SGCE: variants seen among roughly 807,000 people sequenced by gnomAD.
SGCE encodes sarcoglycan epsilon.
A neutral mutation model predicts 57.8 loss-of-function variants in SGCE; 26 were observed. That is an observed-to-expected ratio of 0.45 (90% CI 0.33 to 0.62). The LOEUF (loss-of-function observed/expected upper bound fraction) is 0.62, where lower values mean the gene tolerates loss of function less well. Among genes scored for constraint, SGCE ranks in the 20% least tolerant of loss-of-function variants. The pLI, the probability that SGCE is intolerant of heterozygous loss-of-function variation, is 0.02. For missense variants in SGCE, 468 were observed against 548.6 expected, an observed-to-expected ratio of 0.85 and a Z score of 1.47; for synonymous variants, 183 against 189.5, an observed-to-expected ratio of 0.97 and a Z score of 0.28.
chr7:94,619,093 GCTTT>G, intron 4 of SGCE, 137 bp from the exon 5 acceptor site: 1 of 692,588 alleles, frequency 1.4e-6, no homozygotes, highest in Non-Finnish European at 2.6e-6. Context: ...GACTTTAAAG[GCTTT>G]CTGTTTAACA....
chr7:94,605,329 T>C (rs1799949163), intron 5 of SGCE, among the ~76,000 whole-genome samples: 1 of 150,814 alleles, frequency 6.6e-6, no homozygotes, highest in Admixed American at 6.6e-5. Context: ...GAAACTCAGA[T>C]CTACATAAAG....
chr7:94,601,003 G>C (rs1799128637), intron 6 of SGCE, 146 bp from the exon 7 acceptor site: 1 of 706,318 alleles, frequency 1.4e-6, no homozygotes, highest in African/African-American at 1.8e-5. Flanking sequence ...GAATTTGCAA[G>C]TATTTATTGG....
At chr7:94,628,461 T>C (rs1239584501) in intron 2 of SGCE, 102 bp from the exon 3 acceptor site, 5 of 975,090 alleles carry the variant, frequency 5.1e-6, no homozygotes, top group Admixed American at 2.1e-5. Flanking sequence ...TTTTCTTACA[T>C]TTGTAGCCAA....
chr7:94,636,679 T>A (rs985130288), intron 1 of SGCE, among the ~76,000 whole-genome samples: 1 of 152,212 alleles, frequency 6.6e-6, no homozygotes, highest in African/African-American at 2.4e-5. Context: ...ACTTACTGGG[T>A]GCTGAGGTAG....
chr7:94,606,204 C>T (rs535842728), intron 5 of SGCE, among the ~76,000 whole-genome samples: 1 of 152,114 alleles, frequency 6.6e-6, no homozygotes, highest in African/African-American at 2.4e-5. Context: ...GATTGAAAAA[C>T]AAGATCCAAC....
rs1195810685 is a variant in SGCE, at chr7:94,618,743, T to C, written c.662+15A>G. ...AAAATCTATATTTAAGGCAATGAGA[T>C]AAAGATCTGCTTACCCCTCCTTCAG... On this transcript the variant is annotated intron_variant, in intron 5 of 10. Transcript: ENST00000648936. The C allele has an allele frequency of 1.2e-6, 2 of 1,605,406 alleles. No homozygotes were observed. Among genetic ancestry groups the C allele is most frequent in the East Asian group, 4.5e-5 (2 of 44,830 alleles).
intron 9 of SGCE, chr7:94,590,855 A>C (rs1797578473): frequency 6.6e-6 from 1 of 152,208 alleles, no homozygotes; most frequent in African/African-American, 2.4e-5. Flanking sequence ...GGCAAATATT[A>C]TGTTCCAAAT....
intron 10 of SGCE, chr7:94,588,128 G>A: frequency 8.7e-7 from 1 of 1,152,018 alleles, no homozygotes; most frequent in Non-Finnish European, 1.1e-6. Context: ...AATTTTTAGG[G>A]ACACTTGAAA....
At chr7:94,622,714 GA>G (rs1355633465) in intron 4 of SGCE, 1 of 151,766 alleles carries the variant, frequency 6.6e-6, no homozygotes, top group African/African-American at 2.4e-5. Context: ...GTAATTCTGA[GA>G]ATACTTCCTT....
intron 5 of SGCE, among the ~76,000 whole-genome samples, chr7:94,615,851 C>T (rs772916539): frequency 1.2e-4 from 18 of 152,182 alleles, no homozygotes; most frequent in Non-Finnish European, 1.5e-4. Flanking sequence ...TTCTTCCCAC[C>T]AGCTTTATCC....
At chr7:94,587,065 G>A in intron 10 of SGCE, 2 of 984,856 alleles carry the variant, frequency 2.0e-6, no homozygotes, top group Non-Finnish European at 2.4e-6. Context: ...CTTGACTCAA[G>A]CAAAATACCT....
intron 7 of SGCE, chr7:94,599,943 G>T: frequency 2.5e-6 from 1 of 406,102 alleles, no homozygotes; most frequent in Non-Finnish European, 4.4e-6. Flanking sequence ...GAAAAAAATG[G>T]AGATTAAGAA....
chr7:94,634,385 G>A (rs950357687), intron 1 of SGCE, among the ~76,000 whole-genome samples: 1 of 152,084 alleles, frequency 6.6e-6, no homozygotes, highest in Non-Finnish European at 1.5e-5. Context: ...TGGACTGTTT[G>A]GTTGCCTTGT....
chr7:94,629,797 G>C lies in SGCE; in HGVS notation c.154C>G (p.Pro52Ala). The part of the protein sequence containing the change: ...SKVHSDRNVY[P>A]SAGVLFVHVL... Reference sequence around the variant, plus strand: ...TGAACAAAGAGGACACCTGCTGATGGGTATACATTCCGATCGGAGTGTACC... The same window carrying C: ...TGAACAAAGAGGACACCTGCTGATGCGTATACATTCCGATCGGAGTGTACC... Residue 52 changes from proline (P) to alanine (A), a missense_variant, in exon 2 of 11, where the codon CCA (proline) becomes GCA (alanine). Pro to Ala is a conservative substitution (Grantham distance 27). Coordinates refer to ENST00000648936, the MANE Select transcript of SGCE (RefSeq NM_003919.3). The C allele has an allele frequency of 3.1e-6, 5 of 1,610,070 alleles. No individual in the cohort carries two copies. Among genetic ancestry groups the C allele is most frequent in the Non-Finnish European group, 4.2e-6 (5 of 1,176,882 alleles).
intron 1 of SGCE, among the ~76,000 whole-genome samples, chr7:94,639,089 G>C (rs1309142982): frequency 6.6e-6 from 1 of 152,144 alleles, no homozygotes; most frequent in African/African-American, 2.4e-5. Context: ...AAAAACATAG[G>C]AATGGTTTTT....
At chr7:94,624,345 G>A (rs973961828) in intron 3 of SGCE, 1 of 396,786 alleles carries the variant, frequency 2.5e-6, no homozygotes, top group African/African-American at 2.1e-5. Context: ...CATTACATGT[G>A]TCAAAAAATA....
chr7:94,586,118 A>AAATTCCAT (rs1796886813), intron 10 of SGCE, among the ~76,000 whole-genome samples: 1 of 150,874 alleles, frequency 6.6e-6, no homozygotes, highest in Admixed American at 6.6e-5. Context: ...TTCCCCTGAT[A>AAATTCCAT]AATTCCATAT....
intron 1 of SGCE, among the ~76,000 whole-genome samples, chr7:94,636,983 C>T (rs770225421): frequency 2.0e-5 from 3 of 149,918 alleles, no homozygotes; most frequent in Non-Finnish European, 3.0e-5. Flanking sequence ...CACTTGAACC[C>T]GGGAGGAGGA....
intron 3 of SGCE, chr7:94,627,448 G>A (rs568388613): frequency 6.6e-6 from 1 of 152,092 alleles, no homozygotes; most frequent in African/African-American, 2.4e-5. Context: ...GTACCAGGAT[G>A]GCTTACAGAG....
Sources: allele counts gnomAD v4.1 joint callset (sites outside exome capture counted in the v4.1 genomes callset), GRCh38; gene constraint gnomAD v4.1.1; transcripts MANE v1.5; gene names NCBI Gene and HGNC (gene_info 2026-07-23, HGNC 2026-07-21).